TMEM132B: variants seen among roughly 807,000 people sequenced by gnomAD.
The protein encoded by TMEM132B is transmembrane protein 132B.
Under a neutral mutation model 90.8 loss-of-function variants are expected in TMEM132B, and 18 were observed. The ratio of observed to expected loss-of-function variants is 0.20; its 90% confidence interval spans 0.14 to 0.29. The LOEUF (loss-of-function observed/expected upper bound fraction) is 0.29, where lower values mean the gene tolerates loss of function less well. Ranked by LOEUF, TMEM132B falls within the 10% of genes least tolerant of loss-of-function variation. The probability of loss-of-function intolerance (pLI) is 1.00; values close to 1 mark genes in which losing one functional copy is unlikely to be tolerated. For synonymous variants in TMEM132B, 504 were observed against 523.3 expected, an observed-to-expected ratio of 0.96 and a Z score of 0.50; for missense variants, 1,096 against 1,326.8, an observed-to-expected ratio of 0.83 and a Z score of 2.70.
chr12:125,464,213 C>T (rs939610719), intron 3 of TMEM132B, among the ~76,000 whole-genome samples: 1 of 152,154 alleles, frequency 6.6e-6, no homozygotes, highest in African/African-American at 2.4e-5. Flanking sequence ...AGCCAGGGGT[C>T]ATGTCTTCTT....
At chr12:125,292,213 TCTC>T (rs1875559709) in intron 1 of TMEM132B, among the ~76,000 whole-genome samples, 1 of 152,230 alleles carries the variant, frequency 6.6e-6, no homozygotes, top group Admixed American at 6.5e-5. Flanking sequence ...ACCTTCTAAT[TCTC>T]CTCCCCCTCC....
At position 125,654,234 on chromosome 12, in the gene TMEM132B, G is replaced by A; in HGVS notation, c.2776G>A (p.Ala926Thr). 1 of 1,614,200 alleles carries A rather than the reference G, an allele frequency of 6.2e-7. No individual in the cohort carries two copies. The highest frequency in any genetic ancestry group is 8.5e-7 in the Non-Finnish European group (1 of 1,180,044). ...TCTGGTCTTCTTGATCAACTGCGTG[G>A]CGTTTGCCTGGAAATACAGACACAA... ...AILVFLINCV[A>T]FAWKYRHKRF... is the part of the protein sequence containing the mutation. Residue 926 changes from alanine to threonine, a missense_variant, in exon 9 of 9, where the codon GCG (alanine) becomes ACG (threonine). Coordinates refer to ENST00000682704, the MANE Select transcript of TMEM132B (RefSeq NM_001366854.1). The surrounding 1 kb of genome is among the most constrained non-coding windows in gnomAD (Gnocchi z 5.8).
At chr12:125,631,983 C>T (rs1239512825) in intron 5 of TMEM132B, among the ~76,000 whole-genome samples, 1 of 151,944 alleles carries the variant, frequency 6.6e-6, no homozygotes, top group African/African-American at 2.4e-5. Context: ...TTTACATTCA[C>T]TGTTATTATT....
intron 1 of TMEM132B, among the ~76,000 whole-genome samples, chr12:125,323,732 T>C (rs1309532297): frequency 6.6e-6 from 1 of 152,220 alleles, no homozygotes; most frequent in Non-Finnish European, 1.5e-5. Flanking sequence ...TTGGTCAGGC[T>C]GGTCTCCAAC....
At chr12:125,252,884 G>T (rs1414401297) in intron 1 of TMEM132B, among the ~76,000 whole-genome samples, 4 of 152,174 alleles carry the variant, frequency 2.6e-5, no homozygotes, top group Non-Finnish European at 5.9e-5. Flanking sequence ...CTTGAAACAG[G>T]GTACCTGACC....
At chr12:125,269,371 G>A (rs766663673) in intron 1 of TMEM132B, among the ~76,000 whole-genome samples, 4 of 152,200 alleles carry the variant, frequency 2.6e-5, no homozygotes, top group Admixed American at 1.3e-4. Context: ...CCTTTGTGGA[G>A]CGAGGCAGGC....
intron 5 of TMEM132B, among the ~76,000 whole-genome samples, chr12:125,634,254 C>G (rs186617647): frequency 2.6e-5 from 4 of 152,294 alleles, no homozygotes; most frequent in Admixed American, 2.6e-4. Context: ...CCAATGTTCC[C>G]TTAAGGTACA....
chr12:125,449,831 G>A (rs1826334), intron 3 of TMEM132B, among the ~76,000 whole-genome samples: 66,440 of 151,730 alleles, frequency 0.44, 15,691 homozygotes, highest in African/African-American at 0.61. Context: ...TGGTAGGGGT[G>A]TAACAATTCT....
At chr12:125,210,687 G>T (rs917350278) in intron 1 of TMEM132B, among the ~76,000 whole-genome samples, 1 of 152,164 alleles carries the variant, frequency 6.6e-6, no homozygotes, top group Non-Finnish European at 1.5e-5. Flanking sequence ...ATAGAGGGCT[G>T]GTGTGGTGGC....
In TMEM132B at chr12:125,295,547, A is replaced by G. The variant is rs1355848897; in HGVS notation, c.68-53905A>G. On this transcript the variant is annotated intron_variant, in intron 1 of 8. Transcript: ENST00000682704. Reference sequence around the variant, plus strand: ...GAGAGAGAGAGAGAGAGAGAGACAGAGACAGAGACAGAGACAGAGACAGAC... The same window carrying G: ...GAGAGAGAGAGAGAGAGAGAGACAGGGACAGAGACAGAGACAGAGACAGAC... Among the ~76,000 whole-genome samples, 4 of 152,194 alleles carry G rather than the reference A, an allele frequency of 2.6e-5. No individual in the cohort carries two copies. The South Asian group carries it at 6.2e-4, about 24-fold the overall frequency.
chr12:125,302,654 C>G (rs1875861101), intron 1 of TMEM132B, among the ~76,000 whole-genome samples: 1 of 152,118 alleles, frequency 6.6e-6, no homozygotes, highest in African/African-American at 2.4e-5. Context: ...TTTCCCCCTT[C>G]TTTAAAATTT....
intron 3 of TMEM132B, among the ~76,000 whole-genome samples, chr12:125,483,987 G>A (rs1434389704): frequency 2.0e-5 from 3 of 152,140 alleles, no homozygotes; most frequent in African/African-American, 4.8e-5. Flanking sequence ...CTAAACCTGC[G>A]GGGAGCCTTT....
At chr12:125,398,234 A>G (rs887014706) in intron 2 of TMEM132B, among the ~76,000 whole-genome samples, 1 of 152,026 alleles carries the variant, frequency 6.6e-6, no homozygotes, top group Non-Finnish European at 1.5e-5. Context: ...AATGCTGACA[A>G]TCCTCTTACC....
At chr12:125,519,879 A>G (rs544798871) in intron 4 of TMEM132B, among the ~76,000 whole-genome samples, 53 of 152,212 alleles carry the variant, frequency 3.5e-4, no homozygotes, top group African/African-American at 1.3e-3. Flanking sequence ...TATTTTCTCA[A>G]TCTGCGTGCA....
At chr12:125,282,278 C>T (rs1249356499) in intron 1 of TMEM132B, among the ~76,000 whole-genome samples, 2 of 152,124 alleles carry the variant, frequency 1.3e-5, no homozygotes, top group Non-Finnish European at 2.9e-5. Flanking sequence ...CGTGTGCTGC[C>T]TGCCTGCCTC....
intron 5 of TMEM132B, chr12:125,587,149 G>A (rs1933546435): frequency 6.6e-6 from 1 of 150,800 alleles, no homozygotes; most frequent in Non-Finnish European, 1.5e-5. Flanking sequence ...CCATGGATGG[G>A]AGGAGACTGG....
chr12:125,573,156 G>C (rs1884844584), intron 4 of TMEM132B, among the ~76,000 whole-genome samples: 1 of 152,148 alleles, frequency 6.6e-6, no homozygotes, highest in Non-Finnish European at 1.5e-5. Flanking sequence ...TGGGTACTAG[G>C]TGTGCTGATT....
At chr12:125,517,506 T>C (rs1883197638) in intron 3 of TMEM132B, among the ~76,000 whole-genome samples, 1 of 152,064 alleles carries the variant, frequency 6.6e-6, no homozygotes, top group Non-Finnish European at 1.5e-5. Flanking sequence ...ACATATTTTC[T>C]TGCAAAACAA....
At chr12:125,318,432 G>C (rs145758610) in intron 1 of TMEM132B, among the ~76,000 whole-genome samples, 1 of 152,066 alleles carries the variant, frequency 6.6e-6, no homozygotes, top group Admixed American at 6.5e-5. Context: ...AAATGTGTGC[G>C]ATGGTGGTTT....
Sources: allele counts gnomAD v4.1 joint callset (sites outside exome capture counted in the v4.1 genomes callset), GRCh38; gene constraint gnomAD v4.1.1; non-coding constraint Gnocchi (gnomAD v3.1); transcripts MANE v1.5; gene names NCBI Gene and HGNC (gene_info 2026-07-23, HGNC 2026-07-21).